Variants in CSMD1 observed in about 807,000 individuals in gnomAD.
CSMD1 encodes CUB and sushi domain-containing protein 1.
CSMD1 carries 213 observed loss-of-function variants against 417.5 expected under a neutral mutation model. The ratio of observed to expected loss-of-function variants is 0.51; its 90% CI spans 0.46 to 0.57. CSMD1 has a LOEUF of 0.57. CSMD1 is among the 20% of genes least tolerant of loss of function. The pLI, the probability that CSMD1 is intolerant of heterozygous loss-of-function variation, is 0.00. For missense variants in CSMD1, 6,923 were observed against 4,529.7 expected (o/e 1.53, Z -15.17); for synonymous variants, 2,862 against 1,736.8 (o/e 1.65, Z -16.11).
intron 2 of CSMD1, among the ~76,000 whole-genome samples, chr8:4,571,777 T>C (rs751218899): frequency 1.3e-5 from 2 of 152,174 alleles, no homozygotes; most frequent in Non-Finnish European, 2.9e-5. Flanking sequence ...TCTTTGTACG[T>C]CTCTAAGAAC....
chr8:4,770,460 T>A (rs1796542914), intron 1 of CSMD1, among the ~76,000 whole-genome samples: 1 of 151,088 alleles, frequency 6.6e-6, no homozygotes, highest in African/African-American at 2.4e-5. Context: ...ATTTTTTTTT[T>A]AATTTCTAAA....
intron 51 of CSMD1, among the ~76,000 whole-genome samples, chr8:3,024,687 C>T (rs750477514): frequency 6.6e-6 from 1 of 152,158 alleles, no homozygotes; most frequent in African/African-American, 2.4e-5. Context: ...ATTCTCACCA[C>T]CACATTGCCT....
chr8:4,842,561 G>T (rs757442274), intron 1 of CSMD1, among the ~76,000 whole-genome samples: 1 of 152,164 alleles, frequency 6.6e-6, no homozygotes, highest in Admixed American at 6.5e-5. Context: ...CACAACGTAG[G>T]AGCCATATTG....
intron 1 of CSMD1, among the ~76,000 whole-genome samples, chr8:4,862,463 G>C (rs753430987): frequency 6.6e-6 from 1 of 152,084 alleles, no homozygotes; most frequent in Non-Finnish European, 1.5e-5. Context: ...TACATTAAAA[G>C]TAAAAAGAAT....
At chr8:3,887,454 G>C (rs950122069) in intron 5 of CSMD1, among the ~76,000 whole-genome samples, 1 of 152,104 alleles carries the variant, frequency 6.6e-6, no homozygotes, top group Non-Finnish European at 1.5e-5. Context: ...ATGAAAGTGG[G>C]GCTAATTTTG....
intron 1 of CSMD1, among the ~76,000 whole-genome samples, chr8:4,666,512 C>G (rs139971672): frequency 1.3e-5 from 2 of 152,102 alleles, no homozygotes; most frequent in African/African-American, 4.8e-5. Context: ...CCCTCCAGAA[C>G]GGAACAGAAT....
chr8:3,977,207 A>T (rs1191951454), intron 5 of CSMD1, among the ~76,000 whole-genome samples: 1 of 152,170 alleles, frequency 6.6e-6, no homozygotes, highest in Non-Finnish European at 1.5e-5. Context: ...CAATCAGTGA[A>T]CACGTGCTCT....
intron 3 of CSMD1, among the ~76,000 whole-genome samples, chr8:4,314,953 C>T (rs1798837360): frequency 6.6e-6 from 1 of 152,160 alleles, no homozygotes; most frequent in East Asian, 1.9e-4. Context: ...TGACATTCTA[C>T]ATGGTGGGAG....
chr8:3,262,216 T>TATATATATATATAC (rs1801129514), intron 26 of CSMD1, among the ~76,000 whole-genome samples: 1 of 105,848 alleles, frequency 9.4e-6, no homozygotes, highest in Admixed American at 9.3e-5. Flanking sequence ...TATATATATA[T>TATATATATATATAC]ATATATATAT....
chr8:4,782,546 T>C (rs1797207607), intron 1 of CSMD1, among the ~76,000 whole-genome samples: 1 of 152,158 alleles, frequency 6.6e-6, no homozygotes, highest in South Asian at 2.1e-4. Flanking sequence ...CTCTAAGACA[T>C]TTTAGTTTTG....
intron 4 of CSMD1, among the ~76,000 whole-genome samples, chr8:4,026,978 C>G (rs1437318997): frequency 6.6e-6 from 1 of 152,172 alleles, no homozygotes; most frequent in Admixed American, 6.5e-5. Flanking sequence ...TTTGCCAATT[C>G]TTATGCTGTA....
intron 10 of CSMD1, among the ~76,000 whole-genome samples, chr8:3,570,089 A>T (rs1373867317): frequency 6.6e-6 from 1 of 152,240 alleles, no homozygotes; most frequent in East Asian, 1.9e-4. Context: ...CAAGCTGCCT[A>T]AATTCATTAC....
intron 1 of CSMD1, among the ~76,000 whole-genome samples, chr8:4,956,361 C>A (rs180755600): frequency 2.0e-5 from 3 of 149,492 alleles, no homozygotes; most frequent in East Asian, 2.0e-4. Flanking sequence ...ACTTGTTTAC[C>A]GTAAGATAGG....
chr8:4,214,908 T>C lies in CSMD1; in HGVS notation c.416-182809A>G, dbSNP rs766267372. On this transcript the variant is annotated intron_variant, in intron 3 of 69. Coordinates refer to ENST00000635120, the MANE Select transcript of CSMD1 (RefSeq NM_033225.6). ...TATATTCTTTTTTAAGTTTTACAAC[T>C]TGTTTTTGTTTTCAGCTCACTTTTA... is the stretch of plus-strand genomic sequence containing the variant. 2.0e-5 allele frequency among the ~76,000 whole-genome samples: 3 copies of C among 152,240 alleles called. No homozygotes were observed. In the South Asian group the frequency reaches 6.2e-4, roughly 32 times the overall value.
At chr8:4,651,350 A>G (rs1012219936) in intron 1 of CSMD1, among the ~76,000 whole-genome samples, 1 of 152,212 alleles carries the variant, frequency 6.6e-6, no homozygotes, top group African/African-American at 2.4e-5. Context: ...ATAGCGTTGA[A>G]TATTCAAGCA....
At chr8:4,535,432 T>A (rs1412454475) in intron 2 of CSMD1, among the ~76,000 whole-genome samples, 1 of 152,144 alleles carries the variant, frequency 6.6e-6, no homozygotes, top group African/African-American at 2.4e-5. Flanking sequence ...GCTTATCTGC[T>A]TGTAGATTTG....
chr8:4,088,923 A>G (rs773197890), intron 3 of CSMD1, among the ~76,000 whole-genome samples: 1 of 151,730 alleles, frequency 6.6e-6, no homozygotes, highest in African/African-American at 2.4e-5. Context: ...GCGAAAAAGC[A>G]CTCCCCTGCC....
chr8:4,321,113 C>G (rs1436525921), intron 3 of CSMD1, among the ~76,000 whole-genome samples: 4 of 152,110 alleles, frequency 2.6e-5, no homozygotes, highest in Admixed American at 6.6e-5. Context: ...AGACTCTAGT[C>G]TAAATCAATC....
chr8:4,234,040 A>G (rs906186626), intron 3 of CSMD1, among the ~76,000 whole-genome samples: 11 of 152,132 alleles, frequency 7.2e-5, no homozygotes, highest in African/African-American at 2.7e-4. Context: ...GTCTACCATC[A>G]GCCAGTGAAA....
Sources: gnomAD v4.1 joint callset for allele counts (sites outside exome capture counted in the v4.1 genomes callset) on GRCh38, gnomAD v4.1.1 for gene constraint, MANE v1.5 for transcripts, NCBI Gene and HGNC (gene_info 2026-07-23, HGNC 2026-07-21) for gene names.